Variants in SLC6A9 observed in about 807,000 individuals in gnomAD.
SLC6A9 encodes the protein sodium- and chloride-dependent glycine transporter 1.
A neutral mutation model predicts 70.9 loss-of-function variants in SLC6A9; 31 were observed. The observed-to-expected ratio is 0.44, with a 90% CI of 0.33 to 0.59. The LOEUF is 0.59. Among genes scored for constraint, SLC6A9 ranks in the 20% least tolerant of loss-of-function variants. SLC6A9 has a pLI of 0.04. For synonymous variants in SLC6A9, 310 were observed against 341.3 expected (o/e 0.91, Z 1.01); for missense variants, 631 against 845.2 (o/e 0.75, Z 3.14).
chr1:44,015,969 G>T (rs150772641), intron 2 of SLC6A9: 15,444 of 556,600 alleles, frequency 0.028, 256 homozygotes, highest in Non-Finnish European at 0.033. Flanking sequence ...TGCCTTCAGA[G>T]TCCAGGCCTT....
In SLC6A9 at chr1:44,001,633, G is replaced by A. The variant is rs769317279; in HGVS notation, c.963-6C>T. Reference sequence around the variant, plus strand: ...TGCTGATGATGACACTGTCCCTGATGGGGAGGAAAACAGAGTTCAGCTTCC... The same window carrying A: ...TGCTGATGATGACACTGTCCCTGATAGGGAGGAAAACAGAGTTCAGCTTCC... On this transcript the variant is annotated splice_region_variant and splice_polypyrimidine_tract_variant and intron_variant, in intron 8 of 13. Transcript: ENST00000372310. 1.9e-6 allele frequency: 3 copies of A among 1,603,624 alleles called. No individual in the cohort carries two copies. The highest frequency in any genetic ancestry group is 2.6e-6 in the Non-Finnish European group (3 of 1,172,662).
intron 2 of SLC6A9, among the ~76,000 whole-genome samples, chr1:44,022,931 C>T (rs953411895): frequency 3.9e-5 from 6 of 152,022 alleles, no homozygotes; most frequent in Non-Finnish European, 7.4e-5. Flanking sequence ...GTCTCAAACT[C>T]CTGATCTCAA....
intron 5 of SLC6A9, among the ~76,000 whole-genome samples, chr1:44,006,912 G>C (rs2086339821): frequency 6.6e-6 from 1 of 152,182 alleles, no homozygotes; most frequent in African/African-American, 2.4e-5. Flanking sequence ...GTGGTGACTT[G>C]CGGTATCCTC....
At chr1:44,014,986 T>C (rs2086692623) in intron 2 of SLC6A9, 1 of 152,232 alleles carries the variant, frequency 6.6e-6, no homozygotes, top group African/African-American at 2.4e-5. Flanking sequence ...TAGCTACTCA[T>C]ATTCCATAGC....
intron 4 of SLC6A9, among the ~76,000 whole-genome samples, chr1:44,009,434 A>T (rs555132152): frequency 6.6e-6 from 1 of 152,146 alleles, no homozygotes; most frequent in East Asian, 1.9e-4. Context: ...CGTATTAGCC[A>T]GTATGGTCTT....
intron 2 of SLC6A9, chr1:44,014,619 A>G (rs1421243276): frequency 6.6e-6 from 1 of 151,776 alleles, no homozygotes; most frequent in African/African-American, 2.4e-5. Flanking sequence ...AGTCACTTAC[A>G]TAAGTCCTTT....
At chr1:43,998,829 GGTGA>G (rs1265990800) in intron 12 of SLC6A9, among the ~76,000 whole-genome samples, 1 of 152,218 alleles carries the variant, frequency 6.6e-6, no homozygotes, top group East Asian at 1.9e-4. Context: ...GGCTAGAAAT[GGTGA>G]GTGTCAGGCT....
chr1:44,001,085 G>T lies in SLC6A9; in HGVS notation c.1336-30C>A, dbSNP rs1485466682. The T allele has an allele frequency of 8.1e-6, 13 of 1,602,458 alleles. No individual in the cohort carries two copies. The South Asian group carries it at 1.4e-4, about 18-fold the overall frequency. On this transcript the variant is annotated intron_variant, in intron 10 of 13. Transcript: ENST00000372310. ...GGAACAGCGGGCAGCTGTGGGAGGC[G>T]CCTGCAGCCCGGGCTCCCCAACCCT...
At position 44,012,509 on chromosome 1, in the gene SLC6A9, C is replaced by G. The variant is rs141925801; in HGVS notation, c.31-1627G>C. Among the ~76,000 whole-genome samples, 508 of 152,370 alleles carry G rather than the reference C, an allele frequency of 3.3e-3. 1 individual carries two copies. Among genetic ancestry groups the G allele is most frequent in the Non-Finnish European group, 5.6e-3 (383 of 68,042 alleles). ...CAGAGCAAATCAGTGGCTGAACAAG[C>G]CTTCTTTCATTCATTCATTGATTCA... On this transcript the variant is annotated intron_variant, in intron 2 of 13. Transcript: ENST00000372310.
chr1:44,001,383 C>T lies in SLC6A9; in HGVS notation c.1200+7G>A. On this transcript the variant is annotated splice_region_variant and intron_variant, in intron 9 of 13. Transcript: ENST00000372310. ...CAAGCCTCCGGTCCACGTCCTGCAC[C>T]TCGTACCTGAGTGCCCAGCCCCAGC... 6.2e-7 allele frequency: 1 copy of T among 1,612,346 alleles called. No individual in the cohort carries two copies. Among genetic ancestry groups the T allele is most frequent in the Non-Finnish European group, 8.5e-7 (1 of 1,178,714 alleles).
intron 5 of SLC6A9, among the ~76,000 whole-genome samples, chr1:44,004,263 T>C (rs1436672226): frequency 1.3e-5 from 2 of 152,198 alleles, no homozygotes; most frequent in Non-Finnish European, 2.9e-5. Flanking sequence ...CCCAAAGTGC[T>C]GGGATTACAG....
chr1:44,010,124 G>A, intron 3 of SLC6A9, 28 bp from the exon 4 acceptor site: 1 of 1,612,840 alleles, frequency 6.2e-7, no homozygotes, highest in African/African-American at 1.3e-5. Flanking sequence ...GTCTGGCTCA[G>A]GAGTGGGCTT....
intron 2 of SLC6A9, among the ~76,000 whole-genome samples, chr1:44,015,163 A>G (rs1004150382): frequency 6.6e-6 from 1 of 152,228 alleles, no homozygotes. Context: ...AAAAAGGTAA[A>G]GAGGAAATGC....
chr1:44,015,419 C>A (rs1245853524), intron 2 of SLC6A9, among the ~76,000 whole-genome samples: 1 of 152,200 alleles, frequency 6.6e-6, no homozygotes, highest in Non-Finnish European at 1.5e-5. Context: ...CCCTCTGGGA[C>A]CCAGCAGGCT....
At position 44,001,531 on chromosome 1, in the gene SLC6A9, G is replaced by A. The variant is rs200125427; in HGVS notation, c.1059C>T (p.Gly353=). Residue 353 remains glycine (G), a synonymous_variant, in exon 9 of 14, where the codon GGC becomes GGT. Transcript: ENST00000372310. ...GGTCTGCCACACGGGACACATCCAC[G>A]CCCAGGTGATTGGCCATGAAGCCGA... ...SILGFMANHL[G]VDVSRVADHG... is the part of the protein sequence containing the mutation. 19 of 1,614,124 alleles carry A rather than the reference G, an allele frequency of 1.2e-5. No homozygotes were observed. The African/African-American group carries it at 1.3e-4, about 11-fold the overall frequency.
At chr1:44,020,258 G>A (rs187565951) in intron 2 of SLC6A9, among the ~76,000 whole-genome samples, 25 of 152,316 alleles carry the variant, frequency 1.6e-4, no homozygotes, top group African/African-American at 4.6e-4. Flanking sequence ...AGTGCCCACC[G>A]TGTGCCAAAT....
chr1:44,008,337 C>T lies in SLC6A9; in HGVS notation c.590+16G>A. 6.2e-7 allele frequency: 1 copy of T among 1,612,128 alleles called. No homozygotes were observed. The highest frequency in any genetic ancestry group is 1.1e-5 in the South Asian group (1 of 91,036). ...CCACCAGGTTCCCCCCACCCCAGGT[C>T]CTGCAGGTGCCTCACCTCCAGTACT... On this transcript the variant is annotated intron_variant, in intron 5 of 13. Transcript: ENST00000372310.
At chr1:44,012,700 A>G (rs567877924) in intron 2 of SLC6A9, among the ~76,000 whole-genome samples, 1 of 152,228 alleles carries the variant, frequency 6.6e-6, no homozygotes, top group Non-Finnish European at 1.5e-5. Flanking sequence ...GTGACCACAG[A>G]GGGGATCATC....
At chr1:44,021,790 G>A (rs970365615) in intron 2 of SLC6A9, among the ~76,000 whole-genome samples, 6 of 152,244 alleles carry the variant, frequency 3.9e-5, no homozygotes, top group Admixed American at 2.0e-4. Flanking sequence ...TGGGCTGCCT[G>A]TGTTAGAAGA....
Sources: allele counts gnomAD v4.1 joint callset (sites outside exome capture counted in the v4.1 genomes callset), GRCh38; gene constraint gnomAD v4.1.1; transcripts MANE v1.5; gene names NCBI Gene and HGNC (gene_info 2026-07-23, HGNC 2026-07-21).